Variants in DDX23 observed in about 807,000 individuals in gnomAD.
The protein encoded by DDX23 is DEAD-box helicase 23, also known as probable ATP-dependent RNA helicase DDX23.
DDX23 carries 33 observed loss-of-function variants against 102.7 expected under a neutral mutation model. The observed-to-expected ratio is 0.32, with a 90% CI of 0.24 to 0.43. The LOEUF (loss-of-function observed/expected upper bound fraction) is 0.43, where lower values mean the gene tolerates loss of function less well. DDX23 is among the 20% of genes least tolerant of loss of function. The probability of loss-of-function intolerance (pLI) is 1.00; values close to 1 mark genes in which losing one functional copy is unlikely to be tolerated. For missense variants in DDX23, 549 were observed against 1,086.6 expected, an observed-to-expected ratio of 0.51 and a Z score of 6.96; for synonymous variants, 352 against 376.0, an observed-to-expected ratio of 0.94 and a Z score of 0.74.
chr12:48,849,803 C>T (rs1167179579), intron 1 of DDX23, among the ~76,000 whole-genome samples: 2 of 152,288 alleles, frequency 1.3e-5, no homozygotes, highest in South Asian at 2.1e-4. Context: ...AAAATATCGT[C>T]CAGGAACACG....
At chr12:48,839,640 G>A in intron 5 of DDX23, 1 of 577,344 alleles carries the variant, frequency 1.7e-6, no homozygotes, top group East Asian at 2.9e-5. Flanking sequence ...TACAGAGGGA[G>A]GACCATGTGA....
Position 48,836,587 on chromosome 12 carries a change from A to G in DDX23, c.1218T>C (p.Ile406=). Residue 406 remains isoleucine (I), a synonymous_variant, in exon 10 of 17, where the codon ATT becomes ATC. Coordinates refer to ENST00000308025, the MANE Select transcript of DDX23 (RefSeq NM_004818.3). This position sits in a 1 kb window ranked among gnomAD's most constrained non-coding sequence, Gnocchi z 6.1. Reference sequence around the variant, plus strand: ...TCCTTACCTTGTAGCCACACTTATCAATGACCTCCAAGATGTGTGGGGGCA... The same window carrying G: ...TCCTTACCTTGTAGCCACACTTATCGATGACCTCCAAGATGTGTGGGGGCA... ...SSLPPHILEV[I]DKCGYKEPTP... The G allele has an allele frequency of 6.2e-7, 1 of 1,613,596 alleles. No individual in the cohort carries two copies. The highest frequency in any genetic ancestry group is 8.5e-7 in the Non-Finnish European group (1 of 1,179,966).
intron 1 of DDX23, among the ~76,000 whole-genome samples, chr12:48,847,512 CAAA>C (rs992632357): frequency 4.5e-5 from 5 of 110,092 alleles, no homozygotes; most frequent in Admixed American, 9.5e-5. Flanking sequence ...TGATCCGTTT[CAAA>C]AAAAAAAAAA....
Position 48,830,833 on chromosome 12 carries a change from CCA to C in DDX23, c.2240-143_2240-142del, listed in dbSNP as rs2137479459. ...CACATGCTGCCTGAACCTGAGGCGC[CCA>C]CAGTGCCCTCTCCAGGTGCCCATCT... On this transcript the variant is annotated intron_variant, in intron 16 of 16. Transcript: ENST00000308025. The surrounding 1 kb of genome is among the most constrained non-coding windows in gnomAD (Gnocchi z 4.9). The C allele has an allele frequency of 1.1e-6, 1 of 885,836 alleles. No individual in the cohort carries two copies. The highest frequency in any genetic ancestry group is 2.6e-5 in the East Asian group (1 of 37,838). 54.9% of individuals were successfully genotyped at this position (885,836 alleles called of 1,614,324 possible).
intron 3 of DDX23, among the ~76,000 whole-genome samples, chr12:48,843,547 C>G: frequency 8.5e-6 from 1 of 117,490 alleles, no homozygotes; most frequent in Non-Finnish European, 1.8e-5. Flanking sequence ...TTCTTTCTTT[C>G]TTTTTTTTTT....
chr12:48,835,911 T>C (rs1172754315), intron 11 of DDX23, among the ~76,000 whole-genome samples: 1 of 151,968 alleles, frequency 6.6e-6, no homozygotes, highest in African/African-American at 2.4e-5. Flanking sequence ...ATAAAATAAA[T>C]CAGAGACTCC....
Position 48,833,478 on chromosome 12 carries a change from C to G in DDX23, c.1602G>C (p.Glu534Asp). The change falls in exon 13 of 17, where the codon GAG (glutamate) becomes GAC (aspartate). Residue 534 changes from glutamate (E) to aspartate (D), a missense_variant. Physicochemically the swap from Glu to Asp is conservative, Grantham distance 45. Around this residue, in one of 4 missense-constraint regions of DDX23, gnomAD observed 270 missense variants for 707.0 expected, o/e 0.38. Coordinates refer to ENST00000308025, the MANE Select transcript of DDX23 (RefSeq NM_004818.3). ...ATPGRLIDVL[E>D]NRYLVLSRCT... Reference sequence around the variant, plus strand: ...AGCGGCTCAGCACCAGGTAGCGGTTCTCCAGCACATCAATCAAACGCCCAG... The same window carrying G: ...AGCGGCTCAGCACCAGGTAGCGGTTGTCCAGCACATCAATCAAACGCCCAG... The G allele has an allele frequency of 6.2e-7, 1 of 1,614,188 alleles. No individual in the cohort carries two copies. The highest frequency in any genetic ancestry group is 8.5e-7 in the Non-Finnish European group (1 of 1,180,054).
chr12:48,831,030 G>T, intron 16 of DDX23, 112 bp downstream of exon 16: 2 of 1,247,124 alleles, frequency 1.6e-6, no homozygotes, highest in Non-Finnish European at 2.3e-6. Context: ...TCCCAGACTT[G>T]GAACTGAGGG....
At chr12:48,831,070 C>G in intron 16 of DDX23, 72 bp downstream of exon 16, 1 of 1,566,000 alleles carries the variant, frequency 6.4e-7, no homozygotes, top group Non-Finnish European at 8.8e-7. Context: ...TGGACAGCAC[C>G]CTGACTTCCA....
intron 11 of DDX23, 194 bp from the exon 12 acceptor site, chr12:48,834,691 T>G (rs1210766768): frequency 3.9e-6 from 2 of 509,070 alleles, no homozygotes; most frequent in African/African-American, 3.9e-5. Context: ...CCCAGAACTT[T>G]GGGAGGCTGA....
Position 48,845,593 on chromosome 12 carries a change from G to C in DDX23, c.190C>G (p.Arg64Gly), listed in dbSNP as rs193232040. 6.2e-7 allele frequency: 1 copy of C among 1,614,208 alleles called. No homozygotes were observed. The highest frequency in any genetic ancestry group is 8.5e-7 in the Non-Finnish European group (1 of 1,180,040). Residue 64 changes from arginine (R) to glycine (G), a missense_variant, in exon 2 of 17, where the codon CGT (arginine) becomes GGT (glycine). Arg to Gly is a moderately radical substitution (Grantham distance 125, BLOSUM62 -2). Coordinates refer to ENST00000308025, the MANE Select transcript of DDX23 (RefSeq NM_004818.3). The stretch of plus-strand genomic sequence containing the variant: ...CTTTACCTTTCTGCAGATTTGGAAC[G>C]GGAACGAGAGCGAGAACGGCTGCCT... ...RGGSRSRSRS[R>G]SKSAERERRH...
At chr12:48,840,436 TAA>T (rs1296941013) in intron 3 of DDX23, among the ~76,000 whole-genome samples, 1 of 151,988 alleles carries the variant, frequency 6.6e-6, no homozygotes. Flanking sequence ...TTTGGGAGGC[TAA>T]GACAGGTGGG....
chr12:48,830,292 C>A lies in DDX23; in HGVS notation c.*177G>T. On this transcript the variant is annotated 3_prime_UTR_variant, in exon 17 of 17. Transcript: ENST00000308025. The surrounding 1 kb of genome is among the most constrained non-coding windows in gnomAD (Gnocchi z 4.9). ...CTGCCTCCGACAGCGTCGTCCTCTCCTTTTGCAGCCCCACACGCAGGCCTC... is the reference window on the plus strand; with the variant it reads ...CTGCCTCCGACAGCGTCGTCCTCTCATTTTGCAGCCCCACACGCAGGCCTC... 1 of 794,626 alleles carries A rather than the reference C, an allele frequency of 1.3e-6. No individual in the cohort carries two copies. The highest frequency in any genetic ancestry group is 2.7e-5 in the East Asian group (1 of 37,318). 49.2% of individuals were successfully genotyped at this position (794,626 alleles called of 1,614,324 possible).
At position 48,830,998 on chromosome 12, in the gene DDX23, T is replaced by C. The variant is rs981578466; in HGVS notation, c.2239+144A>G. ...ACCCAGGTAAGATAAAGGACAGGAG[T>C]GCTTCTCATGGGAGCAAGCAATCCC... is the stretch of plus-strand genomic sequence containing the variant. On this transcript the variant is annotated intron_variant, in intron 16 of 16. Coordinates refer to ENST00000308025, the MANE Select transcript of DDX23 (RefSeq NM_004818.3). This position sits in a 1 kb window ranked among gnomAD's most constrained non-coding sequence, Gnocchi z 4.9. 1 of 915,510 alleles carries C rather than the reference T, an allele frequency of 1.1e-6. No homozygotes were observed. 56.7% of individuals were successfully genotyped at this position (915,510 alleles called of 1,614,324 possible).
Position 48,836,754 on chromosome 12 carries a change from G to A in DDX23, c.1051C>T (p.Arg351Cys), listed in dbSNP as rs1938471904. ...RKLRKKEAKQRWDDRHWSQKK... is the reference protein window; with the variant it reads ...RKLRKKEAKQCWDDRHWSQKK... ...TGAGACCAATGACGATCATCCCAGC[G>A]CTGCTTGGCTTCCTTCTTACGAAGT... Residue 351 changes from arginine to cysteine, a missense_variant, in exon 10 of 17, where the codon CGC (arginine) becomes TGC (cysteine). Transcript: ENST00000308025. This position sits in a 1 kb window ranked among gnomAD's most constrained non-coding sequence, Gnocchi z 6.1. 2.5e-6 allele frequency: 4 copies of A among 1,614,048 alleles called. No individual in the cohort carries two copies. The highest frequency in any genetic ancestry group is 3.4e-6 in the Non-Finnish European group (4 of 1,180,042).
At chr12:48,846,838 C>T (rs1351006370) in intron 1 of DDX23, among the ~76,000 whole-genome samples, 2 of 152,124 alleles carry the variant, frequency 1.3e-5, no homozygotes, top group Non-Finnish European at 2.9e-5. Flanking sequence ...TTTCTGTCTC[C>T]CTCCTACCTG....
intron 1 of DDX23, among the ~76,000 whole-genome samples, chr12:48,849,499 TAAAAATAC>T (rs1278843330): frequency 1.3e-5 from 2 of 151,824 alleles, no homozygotes; most frequent in Non-Finnish European, 2.9e-5. Context: ...CCGTCTCTAC[TAAAAATAC>T]AAAAATTAGC....
At chr12:48,837,762 T>C (rs1449014520) in intron 6 of DDX23, 105 bp from the exon 7 acceptor site, 4 of 1,549,658 alleles carry the variant, frequency 2.6e-6, no homozygotes, top group Non-Finnish European at 2.6e-6. Context: ...AAAAAAGGGG[T>C]AGACTTATGA....
chr12:48,845,454 G>C (rs1318967579), intron 2 of DDX23, 120 bp downstream of exon 2: 1 of 1,165,840 alleles, frequency 8.6e-7, no homozygotes, highest in African/African-American at 1.5e-5. Context: ...GCGAGACTCT[G>C]TCTCAAAAAA....
Sources: gnomAD v4.1 joint callset for allele counts (sites outside exome capture counted in the v4.1 genomes callset) on GRCh38, gnomAD v4.1.1 for gene constraint, gnomAD v4.1.1 regional missense constraint, Gnocchi (gnomAD v3.1) non-coding constraint, MANE v1.5 for transcripts, NCBI Gene and HGNC (gene_info 2026-07-23, HGNC 2026-07-21) for gene names.